The following AFAP1 variants were observed in gnomAD, a reference collection of about 807,000 sequenced individuals.
The protein encoded by AFAP1 is actin filament-associated protein 1.
Under a neutral mutation model 93.9 loss-of-function variants are expected in AFAP1, and 75 were observed. The observed-to-expected ratio is 0.80, with a 90% CI of 0.66 to 0.97. The LOEUF (loss-of-function observed/expected upper bound fraction) is 0.97. Ranked by LOEUF, AFAP1 falls within the 50% of genes least tolerant of loss-of-function variation. The pLI is 0.00. For missense variants in AFAP1, 1,201 were observed against 1,050.8 expected, an observed-to-expected ratio of 1.14 and a Z score of -1.98; for synonymous variants, 517 against 430.7, an observed-to-expected ratio of 1.20 and a Z score of -2.48.
chr4:7,786,835 T>TGG (rs2148995686), intron 11 of AFAP1, among the ~76,000 whole-genome samples: 1 of 152,364 alleles, frequency 6.6e-6, no homozygotes, highest in East Asian at 1.9e-4. Context: ...AGTTACTGTC[T>TGG]GGTCTCTTTT....
chr4:7,806,930 T>A (rs961072063), intron 9 of AFAP1, among the ~76,000 whole-genome samples: 1 of 152,164 alleles, frequency 6.6e-6, no homozygotes, highest in South Asian at 2.1e-4. Flanking sequence ...CAAATGCAGC[T>A]ATTTATCAGG....
intron 1 of AFAP1, among the ~76,000 whole-genome samples, chr4:7,916,806 T>C (rs980565618): frequency 2.6e-5 from 4 of 152,156 alleles, no homozygotes; most frequent in Non-Finnish European, 1.5e-5. Context: ...AGACCTCCTC[T>C]TCATGCCCTC....
At chr4:7,913,816 G>A (rs1026418549) in intron 1 of AFAP1, among the ~76,000 whole-genome samples, 1 of 152,086 alleles carries the variant, frequency 6.6e-6, no homozygotes, top group South Asian at 2.1e-4. Flanking sequence ...TAAATGCCTA[G>A]GGTCTATATC....
At chr4:7,867,096 G>GAGAGGGGAGT (rs1309470489) in intron 3 of AFAP1, among the ~76,000 whole-genome samples, 3 of 96,544 alleles carry the variant, frequency 3.1e-5, no homozygotes, top group East Asian at 6.5e-4. Flanking sequence ...GAGAGGGGAG[G>GAGAGGGGAGT]AGAGGGGAGT....
chr4:7,765,551 C>G (rs990635627), intron 17 of AFAP1, among the ~76,000 whole-genome samples: 1 of 152,234 alleles, frequency 6.6e-6, no homozygotes, highest in African/African-American at 2.4e-5. Context: ...TGCAGCTGCA[C>G]AGAGGCAGAA....
At chr4:7,858,631 G>A (rs1342769047) in intron 3 of AFAP1, among the ~76,000 whole-genome samples, 2 of 152,108 alleles carry the variant, frequency 1.3e-5, no homozygotes, top group Admixed American at 6.5e-5. Context: ...TAGGGGCCAC[G>A]GGAAAGCAGA....
In AFAP1 at chr4:7,781,775, A is replaced by G; in HGVS notation, c.1531-148T>C. 9.6e-6 allele frequency: 10 copies of G among 1,043,788 alleles called. No individual in the cohort carries two copies. The South Asian group carries it at 1.5e-4, about 15-fold the overall frequency. The allele number at this position is 1,043,788 out of a possible 1,614,324, so 64.7% of individuals were successfully genotyped here. A position where few individuals can be genotyped will look rare whatever the true frequency, so the allele number is the denominator to read the frequency against. Reference sequence around the variant, plus strand: ...TGCACACAGACTGCAGTTGTTATCAATAAGGCATGCACCCACCACCCCCCT... The same window carrying G: ...TGCACACAGACTGCAGTTGTTATCAGTAAGGCATGCACCCACCACCCCCCT... On this transcript the variant is annotated intron_variant, in intron 12 of 17. Transcript: ENST00000420658.
At chr4:7,855,349 C>T in intron 4 of AFAP1, 117 bp downstream of exon 4, 1 of 761,398 alleles carries the variant, frequency 1.3e-6, no homozygotes, top group Non-Finnish European at 2.1e-6. Context: ...TCAAAAAGTA[C>T]TTGGCCCACA....
intron 1 of AFAP1, chr4:7,872,319 C>G (rs1238749123): frequency 2.3e-6 from 1 of 428,028 alleles, no homozygotes; most frequent in Non-Finnish European, 4.1e-6. Flanking sequence ...GGGAGAAGCT[C>G]CAAAGCCAGG....
chr4:7,927,380 G>T (rs55767717), intron 1 of AFAP1, among the ~76,000 whole-genome samples: 2 of 152,074 alleles, frequency 1.3e-5, no homozygotes, highest in Non-Finnish European at 2.9e-5. Flanking sequence ...GCCTCTCTGT[G>T]GTTCAGTTTC....
At chr4:7,903,942 T>G (rs1025273455) in intron 1 of AFAP1, among the ~76,000 whole-genome samples, 1 of 148,546 alleles carries the variant, frequency 6.7e-6, no homozygotes, top group East Asian at 1.9e-4. Flanking sequence ...GGCAATGGTT[T>G]AATGTCTTTT....
At chr4:7,769,065 C>T in intron 16 of AFAP1, 57 bp from the exon 17 acceptor site, 8 of 1,496,640 alleles carry the variant, frequency 5.3e-6, no homozygotes, top group Non-Finnish European at 7.2e-6. Context: ...CTGGTATTCT[C>T]CAGCAGGAAA....
At chr4:7,823,630 C>G (rs1276062193) in intron 6 of AFAP1, among the ~76,000 whole-genome samples, 1 of 152,210 alleles carries the variant, frequency 6.6e-6, no homozygotes, top group Admixed American at 6.5e-5. Flanking sequence ...TGCCCAGCAT[C>G]AAAGCACCTC....
chr4:7,914,961 C>A (rs907523392), intron 1 of AFAP1, among the ~76,000 whole-genome samples: 1 of 152,190 alleles, frequency 6.6e-6, no homozygotes, highest in African/African-American at 2.4e-5. Flanking sequence ...GTTGGCCAGG[C>A]TGGTCTTGAA....
intron 1 of AFAP1, among the ~76,000 whole-genome samples, chr4:7,938,552 C>T (rs1371753123): frequency 6.6e-6 from 1 of 152,124 alleles, no homozygotes; most frequent in Non-Finnish European, 1.5e-5. Context: ...AGTCTCCCCA[C>T]CCACGGACCT....
chr4:7,914,164 C>T (rs929909917), intron 1 of AFAP1, among the ~76,000 whole-genome samples: 2 of 151,966 alleles, frequency 1.3e-5, no homozygotes, highest in South Asian at 4.2e-4. Flanking sequence ...AAGCGATTCT[C>T]CTGCCTCAGC....
chr4:7,857,536 G>C (rs28668205), intron 3 of AFAP1, among the ~76,000 whole-genome samples: 14,258 of 152,188 alleles, frequency 0.094, 1,253 homozygotes, highest in East Asian at 0.49. Context: ...TCTTAGTGTG[G>C]CGTTAGGCTG....
intron 1 of AFAP1, among the ~76,000 whole-genome samples, chr4:7,894,337 C>T (rs1306898337): frequency 2.6e-5 from 4 of 152,170 alleles, no homozygotes; most frequent in Admixed American, 2.0e-4. Flanking sequence ...ACTCTCTGCT[C>T]TGTTACAGAA....
At chr4:7,894,600 A>C (rs1718661756) in intron 1 of AFAP1, among the ~76,000 whole-genome samples, 1 of 152,186 alleles carries the variant, frequency 6.6e-6, no homozygotes, top group Non-Finnish European at 1.5e-5. Context: ...TCAGGGAGAC[A>C]GAGGGGGCCT....
Sources: allele counts gnomAD v4.1 joint callset (sites outside exome capture counted in the v4.1 genomes callset), GRCh38; gene constraint gnomAD v4.1.1; transcripts MANE v1.5; gene names NCBI Gene and HGNC (gene_info 2026-07-23, HGNC 2026-07-21).